Variants in C12orf75 observed in about 807,000 individuals in gnomAD.
The protein encoded by C12orf75 is chromosome 12 open reading frame 75.
Under a neutral mutation model 11.4 loss-of-function variants are expected in C12orf75, and 4 were observed. The observed-to-expected ratio is 0.35, with a 90% CI of 0.17 to 0.80. C12orf75 has a LOEUF of 0.80. C12orf75 is among the 30% of genes least tolerant of loss of function. C12orf75 has a pLI of 0.52. For missense variants in C12orf75, 89 were observed against 80.4 expected (o/e 1.11, Z -0.41); for synonymous variants, 30 against 30.0 (o/e 1.00, Z 0.00).
chr12:105,358,896 C>T (rs1464436929), intron 2 of C12orf75, among the ~76,000 whole-genome samples: 1 of 152,188 alleles, frequency 6.6e-6, no homozygotes, highest in African/African-American at 2.4e-5. Flanking sequence ...CTAAGATTGG[C>T]TCTGGGCACA....
At chr12:105,360,808 C>T (rs1171470657) in intron 2 of C12orf75, among the ~76,000 whole-genome samples, 4 of 152,050 alleles carry the variant, frequency 2.6e-5, no homozygotes, top group African/African-American at 9.7e-5. Context: ...CCGAGTCTGT[C>T]TCTGTTGCCC....
intron 5 of C12orf75, among the ~76,000 whole-genome samples, chr12:105,369,614 C>T (rs1871573668): frequency 6.6e-6 from 1 of 152,130 alleles, no homozygotes; most frequent in African/African-American, 2.4e-5. Flanking sequence ...CCCCTTTCCC[C>T]CAACCCCTGA....
intron 2 of C12orf75, among the ~76,000 whole-genome samples, chr12:105,350,865 C>G (rs1892704622): frequency 6.6e-6 from 1 of 152,082 alleles, no homozygotes; most frequent in Admixed American, 6.5e-5. Flanking sequence ...ATGATTTTGT[C>G]AACAGAATTA....
intron 1 of C12orf75, among the ~76,000 whole-genome samples, chr12:105,342,675 A>C (rs1246469017): frequency 6.6e-6 from 1 of 152,132 alleles, no homozygotes; most frequent in East Asian, 1.9e-4. Context: ...TCTTTCTAGC[A>C]AACAGCCCCC....
At chr12:105,351,664 C>G (rs1478754320) in intron 2 of C12orf75, among the ~76,000 whole-genome samples, 2 of 151,986 alleles carry the variant, frequency 1.3e-5, no homozygotes, top group African/African-American at 4.8e-5. Context: ...AATGGCAACC[C>G]ATGGCAGAGG....
intron 1 of C12orf75, among the ~76,000 whole-genome samples, chr12:105,334,567 T>C (rs1021574578): frequency 6.6e-6 from 1 of 152,222 alleles, no homozygotes; most frequent in Non-Finnish European, 1.5e-5. Context: ...CCTGCAACTA[T>C]ATAAAGGATG....
At chr12:105,348,049 G>A (rs960020437) in intron 1 of C12orf75, among the ~76,000 whole-genome samples, 1 of 152,158 alleles carries the variant, frequency 6.6e-6, no homozygotes, top group Non-Finnish European at 1.5e-5. Flanking sequence ...GTAATTTACA[G>A]GAACTGTTAA....
At chr12:105,344,102 A>G (rs1218746421) in intron 1 of C12orf75, among the ~76,000 whole-genome samples, 2 of 152,152 alleles carry the variant, frequency 1.3e-5, no homozygotes, top group Non-Finnish European at 2.9e-5. Flanking sequence ...GCTTGGTGCA[A>G]TCAAGGTGAA....
chr12:105,332,672 A>G (rs1892447470), intron 1 of C12orf75, among the ~76,000 whole-genome samples: 1 of 151,688 alleles, frequency 6.6e-6, no homozygotes, highest in African/African-American at 2.4e-5. Flanking sequence ...CGGAGGTTGC[A>G]GTGAGCTGAG....
chr12:105,343,161 A>G (rs987070696), intron 1 of C12orf75, among the ~76,000 whole-genome samples: 1 of 152,236 alleles, frequency 6.6e-6, no homozygotes, highest in African/African-American at 2.4e-5. Context: ...GTTTTGGGAA[A>G]TAGTCATTAA....
chr12:105,369,514 CAT>C (rs1871571337), intron 5 of C12orf75, among the ~76,000 whole-genome samples: 1 of 152,094 alleles, frequency 6.6e-6, no homozygotes, highest in African/African-American at 2.4e-5. Context: ...CATAGGTAAA[CAT>C]GTGCCATGGT....
At chr12:105,358,353 A>G (rs1356442358) in intron 2 of C12orf75, among the ~76,000 whole-genome samples, 1 of 152,108 alleles carries the variant, frequency 6.6e-6, no homozygotes, top group East Asian at 1.9e-4. Context: ...CCATCTCTAC[A>G]AAACCAAAAA....
chr12:105,368,582 A>G (rs1339544159), intron 5 of C12orf75, among the ~76,000 whole-genome samples: 1 of 152,230 alleles, frequency 6.6e-6, no homozygotes, highest in South Asian at 2.1e-4. Flanking sequence ...TTTGATAACC[A>G]GAATCTAACC....
intron 2 of C12orf75, among the ~76,000 whole-genome samples, chr12:105,363,581 T>C (rs1892903391): frequency 6.6e-6 from 1 of 151,958 alleles, no homozygotes; most frequent in Admixed American, 6.6e-5. Flanking sequence ...AAAAATTAGC[T>C]GAGCATGGTG....
At chr12:105,344,539 T>C (rs976529881) in intron 1 of C12orf75, among the ~76,000 whole-genome samples, 2 of 152,104 alleles carry the variant, frequency 1.3e-5, no homozygotes, top group South Asian at 2.1e-4. Flanking sequence ...GGTCAGGAGT[T>C]CAAGACCAGC....
At chr12:105,334,851 T>C (rs961405545) in intron 1 of C12orf75, among the ~76,000 whole-genome samples, 1 of 152,238 alleles carries the variant, frequency 6.6e-6, no homozygotes, top group Non-Finnish European at 1.5e-5. Flanking sequence ...CACATTCATA[T>C]AGACTATGAA....
chr12:105,347,404 A>G (rs1458323643), intron 1 of C12orf75, among the ~76,000 whole-genome samples: 1 of 152,224 alleles, frequency 6.6e-6, no homozygotes, highest in Non-Finnish European at 1.5e-5. Context: ...AAAGTAGGGA[A>G]GTCAACAGTG....
intron 2 of C12orf75, among the ~76,000 whole-genome samples, chr12:105,350,687 A>T (rs983195319): frequency 2.0e-5 from 3 of 151,858 alleles, no homozygotes; most frequent in African/African-American, 7.3e-5. Context: ...TCCCTTGAGG[A>T]TTGAGAGTGG....
intron 1 of C12orf75, among the ~76,000 whole-genome samples, chr12:105,346,809 T>G (rs570796756): frequency 6.6e-6 from 1 of 152,232 alleles, no homozygotes; most frequent in Non-Finnish European, 1.5e-5. Context: ...ACAGACTTAT[T>G]TACTTACTTT....
Sources: gnomAD v4.1 joint callset for allele counts (sites outside exome capture counted in the v4.1 genomes callset) on GRCh38, gnomAD v4.1.1 for gene constraint, MANE v1.5 for transcripts, NCBI Gene and HGNC (gene_info 2026-07-23, HGNC 2026-07-21) for gene names.